Variants in DYNC1I1 observed in about 807,000 individuals in gnomAD.
The protein encoded by DYNC1I1 is cytoplasmic dynein 1 intermediate chain 1.
DYNC1I1 carries 43 observed loss-of-function variants against 86.6 expected under a neutral mutation model. That is an observed-to-expected ratio of 0.50 (90% CI 0.39 to 0.64). DYNC1I1 has a LOEUF of 0.64. DYNC1I1 is among the 30% of genes least tolerant of loss of function. The pLI, the probability that DYNC1I1 is intolerant of heterozygous loss-of-function variation, is 0.00. For missense variants in DYNC1I1, 604 were observed against 788.8 expected (o/e 0.77, Z 2.81); for synonymous variants, 262 against 283.7 (o/e 0.92, Z 0.77).
At chr7:95,841,781 T>C (rs1584269970) in intron 5 of DYNC1I1, among the ~76,000 whole-genome samples, 1 of 152,178 alleles carries the variant, frequency 6.6e-6, no homozygotes. Flanking sequence ...GCCAGACCCT[T>C]GGGCAGCAGC....
At chr7:95,781,030 C>A (rs899736481) in intron 1 of DYNC1I1, among the ~76,000 whole-genome samples, 4 of 152,138 alleles carry the variant, frequency 2.6e-5, no homozygotes, top group Admixed American at 1.3e-4. Flanking sequence ...TCTCTGCCGG[C>A]TTCCTTGAAA....
chr7:95,909,307 A>G (rs914443840), intron 6 of DYNC1I1, among the ~76,000 whole-genome samples: 1 of 151,844 alleles, frequency 6.6e-6, no homozygotes, highest in Admixed American at 6.6e-5. Context: ...TCTAGCAGCA[A>G]CAAGGATGTT....
intron 5 of DYNC1I1, among the ~76,000 whole-genome samples, chr7:95,841,289 T>A (rs1400638521): frequency 6.6e-6 from 1 of 152,176 alleles, no homozygotes; most frequent in African/African-American, 2.4e-5. Context: ...TCATTTAAAC[T>A]CCCAGTGACT....
At chr7:95,862,354 TA>T (rs35856841) in intron 5 of DYNC1I1, among the ~76,000 whole-genome samples, 109,319 of 149,960 alleles carry the variant, frequency 0.73, 41,157 homozygotes, top group Non-Finnish European at 0.84. Context: ...ACTCAACCAT[TA>T]AAAAAAAAAC....
intron 6 of DYNC1I1, among the ~76,000 whole-genome samples, chr7:95,960,958 A>T (rs1792851800): frequency 6.6e-6 from 1 of 152,232 alleles, no homozygotes; most frequent in Admixed American, 6.5e-5. Context: ...GGGCTCTAGA[A>T]GTGAGGATTT....
rs542317482 is a variant in DYNC1I1, at chr7:96,032,184, A to G, written c.1117-483A>G. Among the ~76,000 whole-genome samples the G allele has an allele frequency of 2.6e-5, 4 of 152,326 alleles. No homozygotes were observed. The East Asian group carries it at 7.7e-4, about 29-fold the overall frequency. On this transcript the variant is annotated intron_variant, in intron 11 of 16. Coordinates refer to ENST00000447467, the MANE Select transcript of DYNC1I1 (RefSeq NM_001135556.2). Reference sequence around the variant, plus strand: ...TGGTTATGAATATTAACCACTTTTTATAAAGAATGTTAACAAATGTTTGGC... The same window carrying G: ...TGGTTATGAATATTAACCACTTTTTGTAAAGAATGTTAACAAATGTTTGGC...
intron 10 of DYNC1I1, among the ~76,000 whole-genome samples, chr7:96,014,128 C>T (rs1794346227): frequency 6.6e-6 from 1 of 152,100 alleles, no homozygotes. Context: ...TAGGAGGACT[C>T]ATCTATAGAA....
At chr7:95,940,167 G>T (rs1375704814) in intron 6 of DYNC1I1, among the ~76,000 whole-genome samples, 2 of 152,130 alleles carry the variant, frequency 1.3e-5, no homozygotes, top group African/African-American at 2.4e-5. Context: ...CGAGAGATCC[G>T]CTGTTAGTCT....
rs527244598 is a variant in DYNC1I1, at chr7:95,901,044, C to T, written c.490+31046C>T. Among the ~76,000 whole-genome samples the T allele has an allele frequency of 2.0e-5, 3 of 152,154 alleles. No individual in the cohort carries two copies. In the South Asian group the frequency reaches 6.2e-4, roughly 32 times the overall value. ...GTGGCAAAACAAACAAACATGGCAT[C>T]CTCCTTTTTAAGCAATCATGTCAGC... On this transcript the variant is annotated intron_variant, in intron 6 of 16. Transcript: ENST00000447467.
chr7:96,088,069 C>T (rs1457431783), intron 16 of DYNC1I1, among the ~76,000 whole-genome samples: 2 of 152,080 alleles, frequency 1.3e-5, no homozygotes, highest in African/African-American at 4.8e-5. Context: ...CGTGTAATAG[C>T]TGTGGCTTTC....
intron 6 of DYNC1I1, among the ~76,000 whole-genome samples, chr7:95,885,988 CT>C (rs755422777): frequency 6.6e-6 from 1 of 152,126 alleles, no homozygotes. Context: ...ATAAATCCTA[CT>C]TTTAAGATCT....
intron 1 of DYNC1I1, among the ~76,000 whole-genome samples, chr7:95,797,065 G>GA (rs1240395913): frequency 6.6e-6 from 1 of 151,754 alleles, no homozygotes; most frequent in South Asian, 2.1e-4. Flanking sequence ...TCATAAAGCA[G>GA]AAAAAAAATT....
At chr7:95,936,071 A>G (rs1792033168) in intron 6 of DYNC1I1, among the ~76,000 whole-genome samples, 1 of 152,030 alleles carries the variant, frequency 6.6e-6, no homozygotes, top group Non-Finnish European at 1.5e-5. Flanking sequence ...CACGTACCTC[A>G]CATTTCTCAT....
At chr7:96,076,340 C>A in intron 15 of DYNC1I1, 143 bp downstream of exon 15, 1 of 1,280,886 alleles carries the variant, frequency 7.8e-7, no homozygotes, top group Non-Finnish European at 1.1e-6. Context: ...CCATTCTTGA[C>A]TACCCTGAAG....
At chr7:95,892,332 CAG>C (rs1790763407) in intron 6 of DYNC1I1, among the ~76,000 whole-genome samples, 4 of 152,108 alleles carry the variant, frequency 2.6e-5, no homozygotes, top group African/African-American at 4.8e-5. Flanking sequence ...CCCCCCGAGA[CAG>C]AGTCTTGCTC....
At chr7:95,809,777 C>A (rs1200228052) in intron 2 of DYNC1I1, among the ~76,000 whole-genome samples, 2 of 151,988 alleles carry the variant, frequency 1.3e-5, no homozygotes, top group Non-Finnish European at 2.9e-5. Context: ...TTTTCTTCTT[C>A]CAGTTAGTAT....
intron 6 of DYNC1I1, among the ~76,000 whole-genome samples, chr7:95,874,078 C>A (rs1163643966): frequency 1.3e-5 from 2 of 152,218 alleles, no homozygotes; most frequent in African/African-American, 4.8e-5. Flanking sequence ...GAAGTATCCA[C>A]CTCATCCTAG....
intron 14 of DYNC1I1, among the ~76,000 whole-genome samples, chr7:96,064,207 C>CAT (rs1226140283): frequency 1.6e-5 from 2 of 122,136 alleles, no homozygotes; most frequent in East Asian, 2.6e-4. Context: ...AAGAAATATT[C>CAT]ATATCTCTCT....
chr7:95,989,930 G>A (rs1000188819), intron 9 of DYNC1I1, among the ~76,000 whole-genome samples: 1 of 152,138 alleles, frequency 6.6e-6, no homozygotes, highest in Non-Finnish European at 1.5e-5. Context: ...GGATTTAGAT[G>A]CAATCGAATG....
Sources: allele counts gnomAD v4.1 joint callset (sites outside exome capture counted in the v4.1 genomes callset), GRCh38; gene constraint gnomAD v4.1.1; transcripts MANE v1.5; gene names NCBI Gene and HGNC (gene_info 2026-07-23, HGNC 2026-07-21).